Variants in ADGRB1 observed in about 807,000 individuals in gnomAD.
ADGRB1 encodes adhesion G protein-coupled receptor B1.
A neutral mutation model predicts 175.7 loss-of-function variants in ADGRB1; 36 were observed. That is an observed-to-expected ratio of 0.20 (90% CI 0.16 to 0.27). The LOEUF is 0.27. Among genes scored for constraint, ADGRB1 ranks in the 10% least tolerant of loss-of-function variants. The pLI, the probability that ADGRB1 is intolerant of heterozygous loss-of-function variation, is 1.00. For synonymous variants in ADGRB1, 1,054 were observed against 979.4 expected (o/e 1.08, Z -1.42); for missense variants, 1,731 against 2,255.3 (o/e 0.77, Z 4.71).
At chr8:142,483,912 G>C in intron 11 of ADGRB1, 65 bp from the exon 12 acceptor site, 1 of 1,544,908 alleles carries the variant, frequency 6.5e-7, no homozygotes, top group South Asian at 1.1e-5. Flanking sequence ...CCTGACCCTG[G>C]TCACAGTGAA....
rs1587292517 is a variant in ADGRB1, at chr8:142,477,545, C to T, written c.1383C>T (p.Cys461=). 4 of 1,611,298 alleles carry T rather than the reference C, an allele frequency of 2.5e-6. No homozygotes were observed. Among genetic ancestry groups the T allele is most frequent in the Non-Finnish European group, 3.4e-6 (4 of 1,178,436 alleles). ...CCAAGTTCTGCAACATTGCCCTGTG[C>T]CCTGGTAGGTGAGAGGGAGGGCGTA... The part of the protein sequence containing the change: ...KQTKFCNIAL[C]PGRAVDGNWN... The change falls in exon 6 of 31, where the codon TGC becomes TGT. Residue 461 remains cysteine (C), a synonymous_variant. Coordinates refer to ENST00000517894, the MANE Select transcript of ADGRB1 (RefSeq NM_001702.3).
intron 1 of ADGRB1, among the ~76,000 whole-genome samples, chr8:142,450,849 C>T (rs1839305638): frequency 6.6e-6 from 1 of 152,224 alleles, no homozygotes; most frequent in Non-Finnish European, 1.5e-5. Context: ...TCTACCTTTC[C>T]ACTGGGTCGG....
intron 3 of ADGRB1, among the ~76,000 whole-genome samples, chr8:142,476,273 G>A (rs767781611): frequency 2.0e-5 from 3 of 152,228 alleles, no homozygotes; most frequent in Non-Finnish European, 4.4e-5. Flanking sequence ...CATCGGCTGG[G>A]CTGCGGAAGG....
In ADGRB1 at chr8:142,489,375, T is replaced by A. The variant is rs762360874; in HGVS notation, c.2568T>A (p.Thr856=). The part of the protein sequence containing the change: ...TVLNSKVISV[T]VKPPPRSLRT... Reference sequence around the variant, plus strand: ...TGAATTCTAAGGTGATCTCCGTGACTGTGAAACCCCCGCCTCGCTCCCTGC... The same window carrying A: ...TGAATTCTAAGGTGATCTCCGTGACAGTGAAACCCCCGCCTCGCTCCCTGC... The change falls in exon 16 of 31, where the codon ACT becomes ACA. Residue 856 remains threonine, a synonymous_variant. Transcript: ENST00000517894. 1.2e-6 allele frequency: 2 copies of A among 1,612,992 alleles called. No individual in the cohort carries two copies. Among genetic ancestry groups the A allele is most frequent in the Non-Finnish European group, 1.7e-6 (2 of 1,179,840 alleles).
intron 21 of ADGRB1, 90 bp downstream of exon 21, chr8:142,522,205 C>G (rs1843892318): frequency 6.6e-7 from 1 of 1,515,338 alleles, no homozygotes; most frequent in Non-Finnish European, 8.8e-7. Flanking sequence ...CTCCCCATCC[C>G]CTGTGGACCC....
Position 142,489,387 on chromosome 8 carries a change from G to T in ADGRB1, c.2580G>T (p.Pro860=), listed in dbSNP as rs377353688. The change falls in exon 16 of 31, where the codon CCG becomes CCT. Residue 860 remains proline, a synonymous_variant. Coordinates refer to ENST00000517894, the MANE Select transcript of ADGRB1 (RefSeq NM_001702.3). ...TGATCTCCGTGACTGTGAAACCCCC[G>T]CCTCGCTCCCTGCGCACACCCTTGG... ...SKVISVTVKP[P]PRSLRTPLEI... 8.7e-6 allele frequency: 14 copies of T among 1,612,974 alleles called. No homozygotes were observed. Among genetic ancestry groups the T allele is most frequent in the African/African-American group, 8.0e-5 (6 of 75,036 alleles).
chr8:142,481,625 G>A lies in ADGRB1; in HGVS notation c.2044G>A (p.Asp682Asn). The A allele has an allele frequency of 6.2e-7, 1 of 1,606,582 alleles. No homozygotes were observed. The highest frequency in any genetic ancestry group is 8.5e-7 in the Non-Finnish European group (1 of 1,176,590). The part of the protein sequence containing the change: ...ISQDGTSYSG[D>N]LLSTIDVLRN... ...TCAGGACGGGACCAGCTACAGTGGGGACCTGCTGTCCACCATCGATGTCCT... is the reference window on the plus strand; with the variant it reads ...TCAGGACGGGACCAGCTACAGTGGGAACCTGCTGTCCACCATCGATGTCCT... The change falls in exon 11 of 31, where the codon GAC becomes AAC. Residue 682 changes from aspartate (D) to asparagine (N), a missense_variant. Asp to Asn is a conservative substitution (Grantham distance 23). Around this residue, in one of 8 missense-constraint regions of ADGRB1, gnomAD observed 388 missense variants for 630.9 expected, o/e 0.61. Transcript: ENST00000517894.
intron 1 of ADGRB1, among the ~76,000 whole-genome samples, chr8:142,456,072 C>T (rs1194941396): frequency 6.6e-6 from 1 of 152,094 alleles, no homozygotes; most frequent in African/African-American, 2.4e-5. Context: ...AATGGGATTT[C>T]AGAGCCCCGG....
chr8:142,482,514 T>C (rs1483161501), intron 11 of ADGRB1, among the ~76,000 whole-genome samples: 1 of 142,014 alleles, frequency 7.0e-6, no homozygotes, highest in Non-Finnish European at 1.5e-5. Context: ...CTGGTCACAC[T>C]GAGCCCTGAT....
intron 27 of ADGRB1, among the ~76,000 whole-genome samples, chr8:142,541,675 A>G (rs1385659410): frequency 6.6e-6 from 1 of 152,080 alleles, no homozygotes; most frequent in Non-Finnish European, 1.5e-5. Context: ...GGTGACAGCC[A>G]TTTGTCTTCT....
intron 2 of ADGRB1, among the ~76,000 whole-genome samples, chr8:142,475,190 G>A (rs1840886232): frequency 6.6e-6 from 1 of 152,204 alleles, no homozygotes; most frequent in African/African-American, 2.4e-5. Flanking sequence ...CAGCCCTCTG[G>A]TGGGCGGAGG....
chr8:142,488,302 G>C (rs1002119440), intron 13 of ADGRB1, 62 bp from the exon 14 acceptor site: 1 of 1,594,202 alleles, frequency 6.3e-7, no homozygotes, highest in Non-Finnish European at 8.6e-7. Flanking sequence ...CGCAGCTGAG[G>C]CCCCGCCACA....
chr8:142,480,602 G>C (rs184999524), intron 9 of ADGRB1, among the ~76,000 whole-genome samples: 1 of 152,354 alleles, frequency 6.6e-6, no homozygotes, highest in East Asian at 1.9e-4. Flanking sequence ...GTCTGCATGC[G>C]TGGCAGGGTC....
intron 24 of ADGRB1, among the ~76,000 whole-genome samples, chr8:142,530,171 GTGTA>G (rs1367167119): frequency 6.6e-6 from 1 of 152,124 alleles, no homozygotes; most frequent in Non-Finnish European, 1.5e-5. Flanking sequence ...GTGCGTGTGT[GTGTA>G]TGAGCGTGTG....
In ADGRB1 at chr8:142,464,892, G is replaced by C; in HGVS notation, c.694G>C (p.Gly232Arg). The C allele has an allele frequency of 6.6e-7, 1 of 1,526,482 alleles. No individual in the cohort carries two copies. Among genetic ancestry groups the C allele is most frequent in the Non-Finnish European group, 8.8e-7 (1 of 1,142,176 alleles). The allele number at this position is 1,526,482 out of a possible 1,614,324, so 94.6% of individuals were successfully genotyped here. The change falls in exon 2 of 31, where the codon GGG (glycine) becomes CGG (arginine). Residue 232 changes from glycine (G) to arginine (R), a missense_variant. Gly to Arg is a moderately radical substitution (Grantham distance 125, BLOSUM62 -2). This residue lies in a region of ADGRB1 where 383 missense variants were observed against 383.1 expected (regional missense o/e 1.00). Transcript: ENST00000517894. ...TGCCGCGGGACCCCTGGCCCCCCGCGGGGATGTCTGCTTGAGAGATGCGGT... is the reference window on the plus strand; with the variant it reads ...TGCCGCGGGACCCCTGGCCCCCCGCCGGGATGTCTGCTTGAGAGATGCGGT... ...GPAAGPLAPRGDVCLRDAVAG... is the reference protein window; with the variant it reads ...GPAAGPLAPRRDVCLRDAVAG...
intron 1 of ADGRB1, among the ~76,000 whole-genome samples, chr8:142,459,302 G>A (rs1181963212): frequency 6.6e-6 from 1 of 152,144 alleles, no homozygotes; most frequent in Non-Finnish European, 1.5e-5. Flanking sequence ...GCTCCCAGGG[G>A]ATCCTCCCAA....
chr8:142,497,819 C>T (rs899110302), intron 17 of ADGRB1, among the ~76,000 whole-genome samples: 3 of 152,296 alleles, frequency 2.0e-5, no homozygotes, highest in East Asian at 3.9e-4. Flanking sequence ...TCTTTCTGGG[C>T]GCAGGGTCCT....
rs1385841289 is a variant in ADGRB1 at position 142,543,004 on chromosome 8, G to C, written c.4413+357G>C. On this transcript the variant is annotated intron_variant, in intron 28 of 30. Coordinates refer to ENST00000517894, the MANE Select transcript of ADGRB1 (RefSeq NM_001702.3). This position sits in a 1 kb window ranked among gnomAD's most constrained non-coding sequence, Gnocchi z 4.4. ...CCTGCAGCTGACCCAGCCTCAGTCAGCCTGTAGGATGTTGTTTTTGGGGGA... is the reference window on the plus strand; with the variant it reads ...CCTGCAGCTGACCCAGCCTCAGTCACCCTGTAGGATGTTGTTTTTGGGGGA... Among the ~76,000 whole-genome samples the C allele has an allele frequency of 6.6e-6, 1 of 152,204 alleles. No individual in the cohort carries two copies.
intron 18 of ADGRB1, among the ~76,000 whole-genome samples, chr8:142,516,174 C>A (rs1405724863): frequency 6.6e-6 from 1 of 150,558 alleles, no homozygotes; most frequent in African/African-American, 2.5e-5. Flanking sequence ...GTGGGAGCCC[C>A]AGGTGCGTGC....
Sources: gnomAD v4.1 joint callset for allele counts (sites outside exome capture counted in the v4.1 genomes callset) on GRCh38, gnomAD v4.1.1 for gene constraint, gnomAD v4.1.1 regional missense constraint, Gnocchi (gnomAD v3.1) non-coding constraint, MANE v1.5 for transcripts, NCBI Gene and HGNC (gene_info 2026-07-23, HGNC 2026-07-21) for gene names.